DLGAP1: variants seen among roughly 807,000 people sequenced by gnomAD.
The protein encoded by DLGAP1 is disks large-associated protein 1.
Under a neutral mutation model 90.8 loss-of-function variants are expected in DLGAP1, and 11 were observed. The observed-to-expected ratio is 0.12, with a 90% CI of 0.08 to 0.20. The LOEUF (loss-of-function observed/expected upper bound fraction) is 0.20. DLGAP1 is among the 10% of genes least tolerant of loss of function. The pLI is 1.00. For synonymous variants in DLGAP1, 558 were observed against 540.7 expected (o/e 1.03, Z -0.44); for missense variants, 1,050 against 1,333.8 (o/e 0.79, Z 3.31).
In DLGAP1 at chr18:4,330,968, CTT is replaced by C. The variant is rs543771599; in HGVS notation, c.-267+124036_-267+124037del. Among the ~76,000 whole-genome samples, 8 of 134,012 alleles carry C rather than the reference CTT, an allele frequency of 6.0e-5. 1 individual carries two copies. The South Asian group carries it at 1.7e-3, about 29-fold the overall frequency. The allele number at this position is 134,012 out of a possible 152,430, so 87.9% of individuals were successfully genotyped here. A position where few individuals can be genotyped will look rare whatever the true frequency, so the allele number is the denominator to read the frequency against. On this transcript the variant is annotated intron_variant, in intron 1 of 12. Coordinates refer to ENST00000315677, the MANE Select transcript of DLGAP1 (RefSeq NM_004746.4). ...TCTAACTGTAGTTGTGGACTTGTCT[CTT>C]TTTCTTTGTAGCTCTATCAAGTTTT...
intron 2 of DLGAP1, among the ~76,000 whole-genome samples, chr18:4,085,766 C>T (rs1261295987): frequency 6.6e-6 from 1 of 152,148 alleles, no homozygotes; most frequent in African/African-American, 2.4e-5. Flanking sequence ...TAGATAACCT[C>T]AGAACACAAT....
At chr18:3,528,218 C>T (rs1412836194) in intron 10 of DLGAP1, among the ~76,000 whole-genome samples, 2 of 152,148 alleles carry the variant, frequency 1.3e-5, no homozygotes, top group Non-Finnish European at 2.9e-5. Flanking sequence ...ATAGAGGTAT[C>T]TGTACTTGAC....
At chr18:3,669,387 A>G (rs558472734) in intron 7 of DLGAP1, among the ~76,000 whole-genome samples, 32 of 151,970 alleles carry the variant, frequency 2.1e-4, no homozygotes, top group Non-Finnish European at 3.5e-4. Context: ...CAAATGTTGC[A>G]TTTTCCAAGA....
chr18:4,242,675 G>A (rs751592797), intron 1 of DLGAP1, among the ~76,000 whole-genome samples: 1 of 152,122 alleles, frequency 6.6e-6, no homozygotes, highest in Non-Finnish European at 1.5e-5. Flanking sequence ...GCCTGTGATC[G>A]CATGGGTAAT....
chr18:4,057,076 TAGAC>T (rs1457121568), intron 2 of DLGAP1, among the ~76,000 whole-genome samples: 1 of 141,856 alleles, frequency 7.0e-6, no homozygotes, highest in African/African-American at 2.6e-5. Context: ...AGCAGGTAGT[TAGAC>T]AGACATGAGC....
chr18:4,160,832 G>A (rs1046620898), intron 1 of DLGAP1, among the ~76,000 whole-genome samples: 22 of 151,710 alleles, frequency 1.5e-4, no homozygotes, highest in African/African-American at 5.3e-4. Context: ...CCCATGTTCC[G>A]GGAACTTTAA....
chr18:3,688,172 A>T (rs569656924), intron 7 of DLGAP1, among the ~76,000 whole-genome samples: 47 of 152,280 alleles, frequency 3.1e-4, no homozygotes, highest in African/African-American at 1.0e-3. Context: ...CGGCCTCCCA[A>T]AGTGCTGGGA....
intron 2 of DLGAP1, among the ~76,000 whole-genome samples, chr18:4,059,290 T>C (rs1463382223): frequency 6.6e-6 from 1 of 152,168 alleles, no homozygotes; most frequent in African/African-American, 2.4e-5. Context: ...CCCCTTTTCT[T>C]TCTTTGCACA....
intron 1 of DLGAP1, among the ~76,000 whole-genome samples, chr18:4,309,085 G>T (rs1246143479): frequency 6.6e-6 from 1 of 152,168 alleles, no homozygotes; most frequent in Non-Finnish European, 1.5e-5. Context: ...ACAGTTATCG[G>T]GTAAGATGTA....
chr18:3,874,468 T>C, intron 4 of DLGAP1: 1 of 1,434,816 alleles, frequency 7.0e-7, no homozygotes, highest in Non-Finnish European at 9.1e-7. Flanking sequence ...TGTCAGTCAC[T>C]CAACATACAA....
intron 3 of DLGAP1, among the ~76,000 whole-genome samples, chr18:3,978,779 T>C (rs986975725): frequency 1.3e-5 from 2 of 152,224 alleles, no homozygotes; most frequent in Non-Finnish European, 2.9e-5. Context: ...CTAGTTTTTT[T>C]ATGGGTTGAC....
rs112349399 is a variant in DLGAP1 at position 4,113,043 on chromosome 18, G to A, written c.-159+38137C>T. Among the ~76,000 whole-genome samples, 707 of 151,312 alleles carry A rather than the reference G, an allele frequency of 4.7e-3. 7 individuals are homozygous for A. Among genetic ancestry groups the A allele is most frequent in the South Asian group, 0.025 (121 of 4,754 alleles). On this transcript the variant is annotated intron_variant, in intron 2 of 12. Coordinates refer to ENST00000315677, the MANE Select transcript of DLGAP1 (RefSeq NM_004746.4). ...GCAACTAGGTTGAGTCCATGTCTTCGCTATTGTAAATAGTGTTGTGATGAA... is the reference window on the plus strand; with the variant it reads ...GCAACTAGGTTGAGTCCATGTCTTCACTATTGTAAATAGTGTTGTGATGAA...
intron 7 of DLGAP1, among the ~76,000 whole-genome samples, chr18:3,583,373 G>A (rs2055684986): frequency 6.8e-6 from 1 of 148,144 alleles, no homozygotes; most frequent in Non-Finnish European, 1.5e-5. Context: ...CCTCTTTCTT[G>A]TCTTTCCCCT....
intron 7 of DLGAP1, among the ~76,000 whole-genome samples, chr18:3,663,336 G>A (rs2059755942): frequency 6.6e-6 from 1 of 152,102 alleles, no homozygotes; most frequent in South Asian, 2.1e-4. Context: ...CTTTAGAAGG[G>A]GTGAGTATAT....
At chr18:3,825,562 T>G (rs1465079072) in intron 4 of DLGAP1, among the ~76,000 whole-genome samples, 2 of 152,234 alleles carry the variant, frequency 1.3e-5, no homozygotes, top group African/African-American at 2.4e-5. Flanking sequence ...TTTTGTTTTG[T>G]GCAATTTTGT....
rs555256453 is a variant in DLGAP1, at chr18:4,366,900, T to C, written c.-267+88106A>G. 1.7e-3 allele frequency among the ~76,000 whole-genome samples: 245 copies of C among 146,078 alleles called. 1 individual carries two copies. Among genetic ancestry groups the C allele is most frequent in the Middle Eastern group, 3.7e-3 (1 of 272 alleles). Reference sequence around the variant, plus strand: ...ATCAAATGAACACAATAATTACATATAGGCAAATTACAAAGTTATCTCACA... The same window carrying C: ...ATCAAATGAACACAATAATTACATACAGGCAAATTACAAAGTTATCTCACA... On this transcript the variant is annotated intron_variant, in intron 1 of 12. Coordinates refer to ENST00000315677, the MANE Select transcript of DLGAP1 (RefSeq NM_004746.4).
Position 3,803,957 on chromosome 18 carries a change from CATATATATATATATATAT to C in DLGAP1, c.1172+10084_1172+10101del, listed in dbSNP as rs33952757. Among the ~76,000 whole-genome samples, 215 of 84,008 alleles carry C rather than the reference CATATATATATATATATAT, an allele frequency of 2.6e-3. 3 individuals carry two copies. The highest frequency in any genetic ancestry group is 7.7e-3 in the Middle Eastern group (1 of 130). The allele number at this position is 84,008 out of a possible 152,430, so 55.1% of individuals were successfully genotyped here. A position where few individuals can be genotyped will look rare whatever the true frequency, so the allele number is the denominator to read the frequency against. On this transcript the variant is annotated intron_variant, in intron 5 of 12. Transcript: ENST00000315677. Reference sequence around the variant, plus strand: ...TTCTCTTCATTGGTTTATGTAGGTTCATATATATATATATATATATATATATATATATATATATATATA... The same window carrying C: ...TTCTCTTCATTGGTTTATGTAGGTTCATATATATATATATATATATATATA...
intron 4 of DLGAP1, among the ~76,000 whole-genome samples, chr18:3,862,629 G>A (rs920809755): frequency 2.0e-5 from 3 of 152,190 alleles, no homozygotes; most frequent in Non-Finnish European, 2.9e-5. Flanking sequence ...TGGCCAGCAG[G>A]TCATGAGTGA....
intron 1 of DLGAP1, among the ~76,000 whole-genome samples, chr18:4,240,174 T>C (rs1367452234): frequency 2.0e-5 from 3 of 152,186 alleles, no homozygotes; most frequent in Admixed American, 2.0e-4. Flanking sequence ...GAATAATTAC[T>C]GTTTACATAG....
Sources: gnomAD v4.1 joint callset for allele counts (sites outside exome capture counted in the v4.1 genomes callset) on GRCh38, gnomAD v4.1.1 for gene constraint, MANE v1.5 for transcripts, NCBI Gene and HGNC (gene_info 2026-07-23, HGNC 2026-07-21) for gene names.